SPINK5: variants seen among roughly 807,000 people sequenced by gnomAD.
SPINK5 encodes the protein serine peptidase inhibitor Kazal type 5.
In SPINK5, 125 loss-of-function variants were observed where a neutral mutation model predicts 151.8. The observed-to-expected ratio is 0.82, with a 90% CI of 0.71 to 0.96. SPINK5 has a LOEUF of 0.96. SPINK5 is among the 40% of genes least tolerant of loss of function. The probability of loss-of-function intolerance (pLI) is 0.00; values close to 1 mark genes in which losing one functional copy is unlikely to be tolerated. For synonymous variants in SPINK5, 374 were observed against 395.3 expected (o/e 0.95, Z 0.64); for missense variants, 1,194 against 1,291.9 (o/e 0.92, Z 1.16).
At chr5:148,131,202 C>G in intron 30 of SPINK5, 57 bp from the exon 31 acceptor site, 1 of 1,605,516 alleles carries the variant, frequency 6.2e-7, no homozygotes, top group Non-Finnish European at 8.5e-7. Context: ...TTTTCTTAAG[C>G]CCACCCCTCT....
chr5:148,125,355 C>T (rs1020049186), intron 28 of SPINK5, among the ~76,000 whole-genome samples: 9 of 152,096 alleles, frequency 5.9e-5, no homozygotes. Context: ...CATCTTTATT[C>T]AATTCTTTAA....
intron 2 of SPINK5, among the ~76,000 whole-genome samples, chr5:148,069,642 T>C (rs983110071): frequency 6.6e-6 from 1 of 151,962 alleles, no homozygotes; most frequent in Non-Finnish European, 1.5e-5. Context: ...CTAAAAAATA[T>C]AATACAAATT....
At chr5:148,130,401 G>GA (rs2113231069) in intron 30 of SPINK5, among the ~76,000 whole-genome samples, 1 of 151,988 alleles carries the variant, frequency 6.6e-6, no homozygotes, top group East Asian at 1.9e-4. Flanking sequence ...TTTAACTGGA[G>GA]TACTTACTTC....
intron 10 of SPINK5, 96 bp downstream of exon 10, chr5:148,096,001 ATTGT>A (rs1753449775): frequency 7.4e-6 from 7 of 944,330 alleles, no homozygotes; most frequent in South Asian, 5.5e-5. Context: ...CACTTTCAAT[ATTGT>A]TTAATATTTT....
Position 148,101,271 on chromosome 5 carries a change from G to A in SPINK5, c.1221-84G>A, listed in dbSNP as rs565217671. On this transcript the variant is annotated intron_variant, in intron 13 of 32. Transcript: ENST00000256084. ...TCAAAGAATTTAATCGTTGTTAAGT[G>A]TAAAATTAAATTATATTTGAGATCA... The A allele has an allele frequency of 2.9e-6, 3 of 1,019,200 alleles. No individual in the cohort carries two copies. The Admixed American group carries it at 5.6e-5, about 19-fold the overall frequency. 63.1% of individuals were successfully genotyped at this position (1,019,200 alleles called of 1,614,324 possible). A position where few individuals can be genotyped will look rare whatever the true frequency, so the allele number is the denominator to read the frequency against.
rs1203214550 is a variant in SPINK5, at chr5:148,123,386, A to ATATC, written c.2539-444_2539-443insCTAT. Among the ~76,000 whole-genome samples the ATATC allele has an allele frequency of 7.7e-3, 275 of 35,860 alleles. 4 individuals carry two copies. Among genetic ancestry groups the ATATC allele is most frequent in the African/African-American group, 0.014 (243 of 16,888 alleles). 23.5% of individuals were successfully genotyped at this position (35,860 alleles called of 152,430 possible). A position where few individuals can be genotyped will look rare whatever the true frequency, so the allele number is the denominator to read the frequency against. On this transcript the variant is annotated intron_variant, in intron 26 of 32. Transcript: ENST00000256084. ...ATTATATTATATACATAACAAGATT[A>ATATC]TATATATATATAGATAGATATAATA...
At chr5:148,103,753 T>C (rs185419401) in intron 15 of SPINK5, among the ~76,000 whole-genome samples, 360 of 152,302 alleles carry the variant, frequency 2.4e-3, no homozygotes, top group Admixed American at 5.9e-3. Flanking sequence ...CTACCCTCCA[T>C]AGTTAGTTTT....
intron 17 of SPINK5, among the ~76,000 whole-genome samples, chr5:148,108,489 C>T (rs549160525): frequency 8.5e-5 from 13 of 152,118 alleles, no homozygotes; most frequent in African/African-American, 2.9e-4. Flanking sequence ...AAATTAGCGA[C>T]GTACAAAAAA....
intron 9 of SPINK5, among the ~76,000 whole-genome samples, chr5:148,095,262 C>A (rs1033405505): frequency 6.6e-6 from 1 of 151,886 alleles, no homozygotes. Flanking sequence ...TCTTTTCTAC[C>A]AGCCTCAAGA....
intron 11 of SPINK5, among the ~76,000 whole-genome samples, chr5:148,098,348 G>A (rs572655809): frequency 7.9e-4 from 120 of 152,180 alleles, no homozygotes; most frequent in African/African-American, 2.8e-3. Context: ...GATGCTTAAT[G>A]TAGAAATGGA....
intron 32 of SPINK5, 100 bp from the exon 33 acceptor site, chr5:148,136,883 C>A: frequency 1.4e-6 from 2 of 1,441,300 alleles, no homozygotes; most frequent in East Asian, 2.3e-5. Flanking sequence ...AATGCAGGAT[C>A]TATGGATTTC....
chr5:148,088,956 T>A, intron 6 of SPINK5: 1 of 477,314 alleles, frequency 2.1e-6, no homozygotes, highest in South Asian at 1.6e-5. Flanking sequence ...TTTGGAGACC[T>A]TGGACAAATT....
At chr5:148,131,571 G>A (rs1278932168) in intron 31 of SPINK5, among the ~76,000 whole-genome samples, 182 bp downstream of exon 31, 1 of 152,046 alleles carries the variant, frequency 6.6e-6, no homozygotes, top group East Asian at 1.9e-4. Context: ...AAGATTTAAG[G>A]CTATTCCTTT....
intron 30 of SPINK5, among the ~76,000 whole-genome samples, chr5:148,127,755 G>A (rs988912091): frequency 1.3e-5 from 2 of 152,122 alleles, no homozygotes; most frequent in Non-Finnish European, 2.9e-5. Flanking sequence ...CTACTTGGGA[G>A]GCTGAGGTGG....
Position 148,108,797 on chromosome 5 carries a change from G to A in SPINK5, c.1652G>A (p.Gly551Glu), listed in dbSNP as rs1753845470. The A allele has an allele frequency of 6.2e-7, 1 of 1,612,270 alleles. No homozygotes were observed. Among genetic ancestry groups the A allele is most frequent in the Admixed American group, 1.7e-5 (1 of 59,936 alleles). Residue 551 changes from glycine (G) to glutamate (E), a missense_variant, in exon 18 of 33, where the codon GGG becomes GAG. Transcript: ENST00000256084. Reference sequence around the variant, plus strand: ...AAGAAAAATGATAAAGAAGAAAAAGGGAAAGTCGAGGCTGAAAAAGTTAAG... The same window carrying A: ...AAGAAAAATGATAAAGAAGAAAAAGAGAAAGTCGAGGCTGAAAAAGTTAAG... ...EEKKNDKEEK[G>E]KVEAEKVKRE...
chr5:148,099,685 C>A (rs1753583031), intron 12 of SPINK5, among the ~76,000 whole-genome samples: 1 of 151,928 alleles, frequency 6.6e-6, no homozygotes, highest in Non-Finnish European at 1.5e-5. Flanking sequence ...ATTCCCCCAC[C>A]AACGCATGAT....
At chr5:148,085,923 A>T (rs997087909) in intron 4 of SPINK5, among the ~76,000 whole-genome samples, 4 of 151,944 alleles carry the variant, frequency 2.6e-5, no homozygotes, top group Non-Finnish European at 4.4e-5. Context: ...TAAAGCATAG[A>T]GGTGTTAAAT....
intron 4 of SPINK5, among the ~76,000 whole-genome samples, chr5:148,082,381 C>T (rs906685848): frequency 4.6e-5 from 7 of 150,784 alleles, no homozygotes; most frequent in African/African-American, 1.7e-4. Context: ...TTCTATTTAT[C>T]ATTATTTTCC....
Position 148,125,755 on chromosome 5 carries a change from G to A in SPINK5, c.2772G>A (p.Arg924=). The A allele has an allele frequency of 6.2e-7, 1 of 1,614,114 alleles. No individual in the cohort carries two copies. ...DECSEFRNYI[R]NNELICPREN... is the part of the protein sequence containing the mutation. Reference sequence around the variant, plus strand: ...GCAGTGAATTTCGAAACTATATAAGGAACAATGAACTCATCTGCCCTAGAG... The same window carrying A: ...GCAGTGAATTTCGAAACTATATAAGAAACAATGAACTCATCTGCCCTAGAG... The change falls in exon 29 of 33, where the codon AGG becomes AGA. Residue 924 remains arginine (R), a synonymous_variant. Coordinates refer to ENST00000256084, the MANE Select transcript of SPINK5 (RefSeq NM_006846.4).
Sources: gnomAD v4.1 joint callset for allele counts (sites outside exome capture counted in the v4.1 genomes callset) on GRCh38, gnomAD v4.1.1 for gene constraint, MANE v1.5 for transcripts, NCBI Gene and HGNC (gene_info 2026-07-23, HGNC 2026-07-21) for gene names.